TRMT44: variants seen among roughly 807,000 people sequenced by gnomAD.
The protein encoded by TRMT44 is probable tRNA (uracil-O(2)-)-methyltransferase.
TRMT44 carries 78 observed loss-of-function variants against 77.3 expected under a neutral mutation model. The observed-to-expected ratio is 1.01, with a 90% confidence interval of 0.84 to 1.22. The LOEUF is 1.22. TRMT44 is among the 50% of genes most tolerant of loss of function. The probability of loss-of-function intolerance (pLI) is 0.00; values close to 1 mark genes in which losing one functional copy is unlikely to be tolerated. For missense variants in TRMT44, 1,090 were observed against 964.4 expected (o/e 1.13, Z -1.73); for synonymous variants, 391 against 383.3 (o/e 1.02, Z -0.23).
At chr4:8,515,490 C>T in the TRMT44 span, among the ~76,000 whole-genome samples, 7 of 152,242 alleles carry the variant, frequency 4.6e-5, no homozygotes, top group Non-Finnish European at 1.0e-4. Context: ...CAAGCTGCTC[C>T]CAGCCTAACA....
At chr4:8,504,891 C>T in the TRMT44 span, among the ~76,000 whole-genome samples, 3 of 152,282 alleles carry the variant, frequency 2.0e-5, no homozygotes, top group South Asian at 2.1e-4. This position sits in a 1 kb window ranked among gnomAD's most constrained non-coding sequence, Gnocchi z 5.3. Context: ...AATAGGCCCC[C>T]GCAGGGTACC....
downstream of TRMT44, among the ~76,000 whole-genome samples, chr4:8,496,113 C>G (rs1186573085): frequency 6.6e-6 from 1 of 152,116 alleles, no homozygotes; most frequent in Admixed American, 6.5e-5. Flanking sequence ...ATAGAGTGAA[C>G]CAATGGGAAG....
chr4:8,487,654 T>G (rs920427307), intron 2 of TRMT44, among the ~76,000 whole-genome samples: 4 of 151,974 alleles, frequency 2.6e-5, no homozygotes, highest in Middle Eastern at 3.4e-3. Flanking sequence ...GATTGGGGGT[T>G]CTTGCCCCCT....
chr4:8,457,875 T>C (rs777349725), intron 6 of TRMT44, among the ~76,000 whole-genome samples: 16 of 152,102 alleles, frequency 1.1e-4, no homozygotes, highest in Non-Finnish European at 1.9e-4. Context: ...AAGGAAATCA[T>C]GAAAGAGACT....
intron 10 of TRMT44, among the ~76,000 whole-genome samples, chr4:8,471,985 G>A (rs553956825): frequency 6.7e-6 from 1 of 150,124 alleles, no homozygotes; most frequent in South Asian, 2.1e-4. Context: ...CGGCTGGGGA[G>A]TTTGCCATAA....
chr4:8,442,884 C>A lies in TRMT44; in HGVS notation c.619+1443C>A, dbSNP rs571039083. 7.9e-5 allele frequency among the ~76,000 whole-genome samples: 12 copies of A among 152,338 alleles called. No homozygotes were observed. The East Asian group carries it at 2.3e-3, about 29-fold the overall frequency. On this transcript the variant is annotated intron_variant, in intron 1 of 10. Transcript: ENST00000389737. Reference sequence around the variant, plus strand: ...AGAGAAAATTCTCTGCTCTTCGTGGCCCATGGAGTTAGGCCGGGCTCACCT... The same window carrying A: ...AGAGAAAATTCTCTGCTCTTCGTGGACCATGGAGTTAGGCCGGGCTCACCT...
chr4:8,497,746 ATCC>A (rs1395841664), downstream of TRMT44, among the ~76,000 whole-genome samples: 1 of 152,156 alleles, frequency 6.6e-6, no homozygotes, highest in African/African-American at 2.4e-5. Context: ...AAAATAAACA[ATCC>A]TCCTGTTCTC....
At chr4:8,501,072 G>A in the TRMT44 span, among the ~76,000 whole-genome samples, 2 of 152,226 alleles carry the variant, frequency 1.3e-5, no homozygotes, top group Non-Finnish European at 2.9e-5. The surrounding 1 kb of genome is among the most constrained non-coding windows in gnomAD (Gnocchi z 4.4). Context: ...CAGAAACCCG[G>A]ATGCAGCCCT....
intron 10 of TRMT44, 82 bp downstream of exon 10, chr4:8,471,282 G>A (rs1403831628): frequency 8.2e-6 from 8 of 978,362 alleles, no homozygotes; most frequent in African/African-American, 6.7e-5. Context: ...TTTTAGAGTG[G>A]TTTAGACTCA....
rs1248839719 is a variant in TRMT44, at chr4:8,441,036, C to T, written c.214C>T (p.Pro72Ser). Residue 72 changes from proline to serine, a missense_variant, in exon 1 of 11, where the codon CCG becomes TCG. By Grantham distance (74) the Pro-to-Ser change is moderately conservative. Transcript: ENST00000389737. ...AGGCTCGGAGCAGAAGGAGCGGGGT[C>T]CGGGACCCGGCCAGGGTTCCCCCGG... ...SAGSEQKERG[P>S]GPGQGSPGGG... The T allele has an allele frequency of 3.3e-6, 5 of 1,493,112 alleles. No individual in the cohort carries two copies. The highest frequency in any genetic ancestry group is 2.3e-5 in the Admixed American group (1 of 44,002). 92.5% of individuals were successfully genotyped at this position (1,493,112 alleles called of 1,614,324 possible). A position where few individuals can be genotyped will look rare whatever the true frequency, so the allele number is the denominator to read the frequency against.
chr4:8,493,279 T>C (rs1351170815), exon 3 of TRMT44: 1 of 152,184 alleles, frequency 6.6e-6, no homozygotes. Context: ...CTGTATTCAG[T>C]GGATCAGCTG....
intron 8 of TRMT44, among the ~76,000 whole-genome samples, chr4:8,466,685 G>C (rs1243589457): frequency 6.6e-6 from 1 of 152,240 alleles, no homozygotes; most frequent in Non-Finnish European, 1.5e-5. Flanking sequence ...CGGGTCCGAG[G>C]AGCCCGTGGC....
rs1725470559 is a variant in TRMT44 at position 8,451,827 on chromosome 4, C to G, written c.955-133C>G. 1.3e-6 allele frequency: 1 copy of G among 783,138 alleles called. No homozygotes were observed. Among genetic ancestry groups the G allele is most frequent in the Admixed American group, 2.3e-5 (1 of 44,382 alleles). 48.5% of individuals were successfully genotyped at this position (783,138 alleles called of 1,614,324 possible). A position where few individuals can be genotyped will look rare whatever the true frequency, so the allele number is the denominator to read the frequency against. The stretch of plus-strand genomic sequence containing the variant: ...TAAGAAACCAGTTGTGAATTCCTGC[C>G]TTTGAGCTTATGTTTCCTATTTTAG... On this transcript the variant is annotated intron_variant, in intron 3 of 10. Transcript: ENST00000389737. This position sits in a 1 kb window ranked among gnomAD's most constrained non-coding sequence, Gnocchi z 4.1.
At chr4:8,489,285 T>G (rs1176831476) in intron 2 of TRMT44, among the ~76,000 whole-genome samples, 5 of 152,216 alleles carry the variant, frequency 3.3e-5, no homozygotes, top group African/African-American at 1.2e-4. Context: ...AAACCTGGCA[T>G]TGACTTGGCC....
chr4:8,504,455 C>T, the TRMT44 span, among the ~76,000 whole-genome samples: 2 of 152,154 alleles, frequency 1.3e-5, no homozygotes, highest in African/African-American at 2.4e-5. The surrounding 1 kb of genome is among the most constrained non-coding windows in gnomAD (Gnocchi z 5.3). Context: ...CAGCTCCTGC[C>T]CCGCCCCACT....
At chr4:8,475,548 G>C (rs918822558) in intron 10 of TRMT44, among the ~76,000 whole-genome samples, 2 of 152,116 alleles carry the variant, frequency 1.3e-5, no homozygotes, top group Non-Finnish European at 2.9e-5. Context: ...CTCACTTCCC[G>C]CAGGGCTCAC....
chr4:8,495,930 G>A (rs758275212), downstream of TRMT44, among the ~76,000 whole-genome samples: 5 of 152,190 alleles, frequency 3.3e-5, no homozygotes, highest in Non-Finnish European at 4.4e-5. Flanking sequence ...CAGACTGGTC[G>A]TGGGCGGGGC....
At chr4:8,493,389 C>T (rs922868339) in exon 3 of TRMT44, 1 of 152,194 alleles carries the variant, frequency 6.6e-6, no homozygotes, top group Non-Finnish European at 1.5e-5. Context: ...AAGATTTTAT[C>T]TTGGACCCGA....
In TRMT44 at chr4:8,452,130, T is replaced by C; in HGVS notation, c.1023+102T>C. On this transcript the variant is annotated intron_variant, in intron 4 of 10. Transcript: ENST00000389737. The surrounding 1 kb of genome is among the most constrained non-coding windows in gnomAD (Gnocchi z 5.7). ...CATTTTCCAAATCCATAACTGCCGG[T>C]GCTCACAATTCTGCTGGCCAAGGTT... 2.8e-6 allele frequency: 3 copies of C among 1,063,274 alleles called. No homozygotes were observed. The highest frequency in any genetic ancestry group is 4.2e-6 in the Non-Finnish European group (3 of 720,468). 65.9% of individuals were successfully genotyped at this position (1,063,274 alleles called of 1,614,324 possible). A position where few individuals can be genotyped will look rare whatever the true frequency, so the allele number is the denominator to read the frequency against.
Sources: allele counts gnomAD v4.1 joint callset (sites outside exome capture counted in the v4.1 genomes callset), GRCh38; gene constraint gnomAD v4.1.1; non-coding constraint Gnocchi (gnomAD v3.1); transcripts MANE v1.5; gene names NCBI Gene and HGNC (gene_info 2026-07-23, HGNC 2026-07-21).